The following ERG variants were observed in gnomAD, a reference collection of about 807,000 sequenced individuals.
The protein encoded by ERG is ETS transcription factor ERG.
A neutral mutation model predicts 55.3 loss-of-function variants in ERG; 9 were observed. That is an observed-to-expected ratio of 0.16 (90% CI 0.10 to 0.28). The LOEUF (loss-of-function observed/expected upper bound fraction) is 0.28. ERG is among the 10% of genes least tolerant of loss of function. The pLI, the probability that ERG is intolerant of heterozygous loss-of-function variation, is 1.00. For missense variants in ERG, 434 were observed against 631.6 expected (o/e 0.69, Z 3.35); for synonymous variants, 223 against 237.3 (o/e 0.94, Z 0.55).
intron 2 of ERG, among the ~76,000 whole-genome samples, chr21:38,538,776 T>C (rs2059730096): frequency 6.6e-6 from 1 of 151,972 alleles, no homozygotes; most frequent in African/African-American, 2.4e-5. Flanking sequence ...AAAAGAGCTC[T>C]TGGCATGGTT....
At chr21:38,458,513 A>G (rs1322942573) in intron 1 of ERG, among the ~76,000 whole-genome samples, 1 of 151,760 alleles carries the variant, frequency 6.6e-6, no homozygotes, top group Non-Finnish European at 1.5e-5. Flanking sequence ...CAGAATTTTT[A>G]TTAATGAATC....
At chr21:38,619,376 T>A (rs561696143) in intron 1 of ERG, among the ~76,000 whole-genome samples, 6 of 151,996 alleles carry the variant, frequency 3.9e-5, no homozygotes, top group African/African-American at 1.4e-4. Flanking sequence ...CTCATCCTCC[T>A]CCTCTCTATT....
intron 1 of ERG, chr21:38,448,879 G>C (rs932480387): frequency 6.6e-6 from 1 of 152,238 alleles, no homozygotes; most frequent in Admixed American, 6.5e-5. Context: ...AAAGAGTGCT[G>C]AACACAGGCT....
chr21:38,596,086 T>C (rs1220067979), intron 1 of ERG, among the ~76,000 whole-genome samples: 3 of 150,574 alleles, frequency 2.0e-5, no homozygotes, highest in African/African-American at 7.4e-5. Context: ...TTATAATAGC[T>C]AGAACATCTT....
chr21:38,507,989 ACACACACAT>A (rs2059478069), intron 2 of ERG, among the ~76,000 whole-genome samples: 3 of 152,004 alleles, frequency 2.0e-5, no homozygotes, highest in Non-Finnish European at 2.9e-5. Context: ...ACACACAGAC[ACACACACAT>A]GCACACACAC....
chr21:38,371,655 G>GA, the ERG span, among the ~76,000 whole-genome samples: 3 of 151,998 alleles, frequency 2.0e-5, no homozygotes, highest in African/African-American at 7.2e-5. Flanking sequence ...TCATGTGGGG[G>GA]ATACATTAAT....
intron 2 of ERG, among the ~76,000 whole-genome samples, chr21:38,553,722 T>C (rs1176743465): frequency 1.3e-5 from 2 of 152,076 alleles, no homozygotes; most frequent in African/African-American, 4.8e-5. Context: ...CATACAACTA[T>C]AAAAACCTAG....
chr21:38,547,223 C>T (rs1015262087), intron 2 of ERG, among the ~76,000 whole-genome samples: 6 of 152,104 alleles, frequency 3.9e-5, no homozygotes, highest in Non-Finnish European at 5.9e-5. Flanking sequence ...TCTCAAATGT[C>T]GTGATTTGGC....
intron 9 of ERG, among the ~76,000 whole-genome samples, chr21:38,384,161 C>A (rs1987582504): frequency 6.6e-6 from 1 of 152,218 alleles, no homozygotes; most frequent in Admixed American, 6.5e-5. Flanking sequence ...CCCAGGTATC[C>A]CACAGCTGGG....
chr21:38,592,635 T>C (rs2060107999), intron 1 of ERG, among the ~76,000 whole-genome samples: 1 of 151,596 alleles, frequency 6.6e-6, no homozygotes, highest in Non-Finnish European at 1.5e-5. Flanking sequence ...GCTGCACCAC[T>C]AACTCTGCTA....
At chr21:38,474,850 A>G (rs2059173112) in intron 1 of ERG, among the ~76,000 whole-genome samples, 1 of 152,174 alleles carries the variant, frequency 6.6e-6, no homozygotes, top group Admixed American at 6.5e-5. Flanking sequence ...AGTGAAACAG[A>G]TGAATCAAAG....
chr21:38,460,461 T>C lies in ERG; in HGVS notation c.19-14840A>G, dbSNP rs2059031599. ...TTATTATTTTCAAAACTAAATGTGA[T>C]GAGAATGCATATATTGCATATGCCA... On this transcript the variant is annotated intron_variant, in intron 1 of 9. Coordinates refer to ENST00000288319, the MANE Select transcript of ERG (RefSeq NM_182918.4). This position sits in a 1 kb window ranked among gnomAD's most constrained non-coding sequence, Gnocchi z 5.0. Among the ~76,000 whole-genome samples the C allele has an allele frequency of 6.6e-6, 1 of 152,242 alleles. No individual in the cohort carries two copies. Among genetic ancestry groups the C allele is most frequent in the African/African-American group, 2.4e-5 (1 of 41,472 alleles).
intron 1 of ERG, among the ~76,000 whole-genome samples, chr21:38,608,241 C>T (rs2060207239): frequency 6.6e-6 from 1 of 152,044 alleles, no homozygotes; most frequent in Non-Finnish European, 1.5e-5. Flanking sequence ...CATACATTTA[C>T]TGAAAAAGAT....
intron 8 of ERG, among the ~76,000 whole-genome samples, chr21:38,391,283 T>C (rs1259158604): frequency 6.6e-6 from 1 of 152,106 alleles, no homozygotes; most frequent in Non-Finnish European, 1.5e-5. Context: ...GATCCTGACA[T>C]ATAGCTCAAG....
chr21:38,500,620 GTC>G (rs1458795527), upstream of ERG, among the ~76,000 whole-genome samples: 1 of 151,754 alleles, frequency 6.6e-6, no homozygotes, highest in Non-Finnish European at 1.5e-5. Context: ...CTCAATCTCT[GTC>G]TCTCTCTCCC....
intron 3 of ERG, among the ~76,000 whole-genome samples, chr21:38,408,165 G>A (rs1988861772): frequency 6.6e-6 from 1 of 152,136 alleles, no homozygotes; most frequent in South Asian, 2.1e-4. Flanking sequence ...TAGAAGAAAT[G>A]AGGGCATTCC....
At chr21:38,564,494 T>A (rs149276922) in intron 2 of ERG, among the ~76,000 whole-genome samples, 5 of 152,224 alleles carry the variant, frequency 3.3e-5, no homozygotes, top group African/African-American at 9.6e-5. Flanking sequence ...TAAAATATAA[T>A]GTATACAAAT....
upstream of ERG, among the ~76,000 whole-genome samples, chr21:38,501,126 C>T (rs1341005576): frequency 2.3e-5 from 3 of 129,942 alleles, no homozygotes; most frequent in Non-Finnish European, 4.6e-5. Flanking sequence ...AGTGCAGTGG[C>T]GCGATCTCGG....
chr21:38,431,999 G>GA (rs1282193534), intron 2 of ERG, among the ~76,000 whole-genome samples: 1 of 152,060 alleles, frequency 6.6e-6, no homozygotes, highest in Non-Finnish European at 1.5e-5. Context: ...GCAAAAACAT[G>GA]AAAAAAACGT....
Sources: allele counts gnomAD v4.1 joint callset (sites outside exome capture counted in the v4.1 genomes callset), GRCh38; gene constraint gnomAD v4.1.1; non-coding constraint Gnocchi (gnomAD v3.1); transcripts MANE v1.5; gene names NCBI Gene and HGNC (gene_info 2026-07-23, HGNC 2026-07-21).